Variants in ALS2 observed in about 807,000 individuals in gnomAD.
The protein encoded by ALS2 is alsin.
In ALS2, 117 loss-of-function variants were observed where a neutral mutation model predicts 203.4. That is an observed-to-expected ratio of 0.58 (90% CI 0.50 to 0.67). ALS2 has a LOEUF of 0.67. Among genes scored for constraint, ALS2 ranks in the 30% least tolerant of loss-of-function variants. The pLI, the probability that ALS2 is intolerant of heterozygous loss-of-function variation, is 0.00. For synonymous variants in ALS2, 718 were observed against 725.9 expected (o/e 0.99, Z 0.17); for missense variants, 1,715 against 1,989.4 (o/e 0.86, Z 2.62).
intron 6 of ALS2, 136 bp from the exon 7 acceptor site, chr2:201,753,378 T>G: frequency 1.3e-6 from 1 of 756,606 alleles, no homozygotes; most frequent in Non-Finnish European, 2.3e-6. Context: ...AATGGATATA[T>G]GGTCAATCTA....
chr2:201,740,386 C>A (rs1180206130), intron 11 of ALS2, among the ~76,000 whole-genome samples: 2 of 151,990 alleles, frequency 1.3e-5, no homozygotes, highest in African/African-American at 2.4e-5. Context: ...TAGGAATAAC[C>A]TGTTATGTTA....
intron 15 of ALS2, 108 bp downstream of exon 15, chr2:201,728,404 A>G: frequency 6.8e-7 from 1 of 1,480,968 alleles, no homozygotes; most frequent in Non-Finnish European, 9.4e-7. Flanking sequence ...CTTTTAGTCA[A>G]CAGTTTCAGT....
intron 25 of ALS2, among the ~76,000 whole-genome samples, chr2:201,714,070 A>T (rs1288306585): frequency 6.6e-6 from 1 of 152,128 alleles, no homozygotes; most frequent in Admixed American, 6.5e-5. Flanking sequence ...TTTCTTGAGG[A>T]CAGGAGTTCG....
chr2:201,737,946 A>G (rs1691991414), intron 12 of ALS2, among the ~76,000 whole-genome samples: 1 of 152,100 alleles, frequency 6.6e-6, no homozygotes, highest in African/African-American at 2.4e-5. Context: ...AAACATGGCA[A>G]AACATTAACA....
rs769348397 is a variant in ALS2, at chr2:201,746,523, A to C, written c.1998+43T>G. On this transcript the variant is annotated intron_variant, in intron 9 of 33. Coordinates refer to ENST00000264276, the MANE Select transcript of ALS2 (RefSeq NM_020919.4). Reference sequence around the variant, plus strand: ...TAAAAACAAAAACAAAAGACTTCTTATGTGTTACTGAATGTGGGCCTTAGG... The same window carrying C: ...TAAAAACAAAAACAAAAGACTTCTTCTGTGTTACTGAATGTGGGCCTTAGG... 3 of 1,601,432 alleles carry C rather than the reference A, an allele frequency of 1.9e-6. No individual in the cohort carries two copies. The Admixed American group carries it at 5.0e-5, about 27-fold the overall frequency.
intron 10 of ALS2, among the ~76,000 whole-genome samples, chr2:201,743,719 C>T (rs1692444345): frequency 6.6e-6 from 1 of 152,186 alleles, no homozygotes; most frequent in Non-Finnish European, 1.5e-5. Context: ...TCATGATCTG[C>T]CCTCCTCGGC....
chr2:201,767,574 T>C (rs1022684993), intron 2 of ALS2, among the ~76,000 whole-genome samples, 191 bp from the exon 3 acceptor site: 5 of 151,876 alleles, frequency 3.3e-5, no homozygotes, highest in African/African-American at 9.7e-5. Flanking sequence ...TATAAAAGAC[T>C]GAAGGATGTG....
chr2:201,743,916 A>G (rs1165287984), intron 10 of ALS2, among the ~76,000 whole-genome samples: 1 of 152,228 alleles, frequency 6.6e-6, no homozygotes, highest in Admixed American at 6.5e-5. Context: ...AAGATCTCTT[A>G]GGACCAGCAG....
intron 1 of ALS2, among the ~76,000 whole-genome samples, chr2:201,771,042 ATTTTTT>A (rs34578117): frequency 1.9e-5 from 2 of 104,404 alleles, no homozygotes; most frequent in African/African-American, 7.1e-5. Flanking sequence ...GTATTTACAG[ATTTTTT>A]TTTTTTTTTT....
At chr2:201,708,025 A>C (rs775582606) in intron 27 of ALS2, 34 bp from the exon 28 acceptor site, 1 of 1,597,058 alleles carries the variant, frequency 6.3e-7, no homozygotes, top group South Asian at 1.1e-5. Context: ...TTATACAATT[A>C]TACCTCTAGG....
intron 13 of ALS2, among the ~76,000 whole-genome samples, chr2:201,730,171 G>C (rs1300000185): frequency 6.6e-6 from 1 of 152,114 alleles, no homozygotes; most frequent in East Asian, 1.9e-4. Context: ...TTCTTAAAGG[G>C]AGCTGCAATG....
At chr2:201,741,933 TTCC>T in intron 10 of ALS2, 79 bp from the exon 11 acceptor site, 1 of 1,272,696 alleles carries the variant, frequency 7.9e-7, no homozygotes, top group Non-Finnish European at 1.1e-6. Context: ...TGATTATGAA[TTCC>T]TCTAAGACTA....
chr2:201,764,428 G>C (rs1693954166), intron 3 of ALS2, among the ~76,000 whole-genome samples: 1 of 151,762 alleles, frequency 6.6e-6, no homozygotes, highest in South Asian at 2.1e-4. Context: ...TCAGGAGTTT[G>C]AGACCAGCCT....
At chr2:201,776,176 C>T (rs1380878436) in intron 1 of ALS2, among the ~76,000 whole-genome samples, 1 of 152,198 alleles carries the variant, frequency 6.6e-6, no homozygotes, top group African/African-American at 2.4e-5. Flanking sequence ...TCTCATGTCA[C>T]TTTAAAAATG....
At chr2:201,735,617 T>C (rs562695250) in intron 12 of ALS2, among the ~76,000 whole-genome samples, 3 of 152,372 alleles carry the variant, frequency 2.0e-5, no homozygotes, top group Admixed American at 2.0e-4. Flanking sequence ...TGGAAAAAGA[T>C]GTCATTGCTG....
chr2:201,755,026 C>T lies in ALS2; in HGVS notation c.1472-355G>A, dbSNP rs77777930. ...TTTCTGTACAACATCTAGTGACATC[C>T]TATAGAACTTGTATTCTAAAGAATA... On this transcript the variant is annotated intron_variant, in intron 5 of 33. Coordinates refer to ENST00000264276, the MANE Select transcript of ALS2 (RefSeq NM_020919.4). 7.4e-4 allele frequency among the ~76,000 whole-genome samples: 113 copies of T among 152,254 alleles called. 1 individual carries two copies. Among genetic ancestry groups the T allele is most frequent in the African/African-American group, 2.7e-3 (113 of 41,548 alleles).
At chr2:201,753,781 A>G (rs970709371) in intron 6 of ALS2, among the ~76,000 whole-genome samples, 6 of 152,180 alleles carry the variant, frequency 3.9e-5, no homozygotes, top group Non-Finnish European at 7.4e-5. Context: ...TGGCAGAGAC[A>G]TCTTTCAGGT....
chr2:201,710,126 C>T lies in ALS2; in HGVS notation c.4123-88G>A, dbSNP rs936895235. Reference sequence around the variant, plus strand: ...ACAAGAAACAACTTCATAAATGACACACAATTGTCAAAATGTCAAGAGTCA... The same window carrying T: ...ACAAGAAACAACTTCATAAATGACATACAATTGTCAAAATGTCAAGAGTCA... On this transcript the variant is annotated intron_variant, in intron 26 of 33. Transcript: ENST00000264276. The T allele has an allele frequency of 1.1e-5, 17 of 1,479,012 alleles. No homozygotes were observed. The African/African-American group carries it at 1.9e-4, about 17-fold the overall frequency. The allele number at this position is 1,479,012 out of a possible 1,614,324, so 91.6% of individuals were successfully genotyped here. A position where few individuals can be genotyped will look rare whatever the true frequency, so the allele number is the denominator to read the frequency against.
At chr2:201,729,230 C>T (rs1216786729) in intron 13 of ALS2, 47 bp from the exon 14 acceptor site, 5 of 1,587,798 alleles carry the variant, frequency 3.1e-6, no homozygotes, top group Non-Finnish European at 4.3e-6. Context: ...GAACATAAAA[C>T]CATTATGCAG....
Sources: allele counts gnomAD v4.1 joint callset (sites outside exome capture counted in the v4.1 genomes callset), GRCh38; gene constraint gnomAD v4.1.1; transcripts MANE v1.5; gene names NCBI Gene and HGNC (gene_info 2026-07-23, HGNC 2026-07-21).